The following DCC variants were observed in gnomAD, a reference collection of about 807,000 sequenced individuals.
The protein encoded by DCC is DCC netrin 1 receptor.
DCC carries 58 observed loss-of-function variants against 172.5 expected under a neutral mutation model. That is an observed-to-expected ratio of 0.34 (90% CI 0.27 to 0.42). DCC has a LOEUF of 0.42. Ranked by LOEUF, DCC falls within the 10% of genes least tolerant of loss-of-function variation. The pLI, the probability that DCC is intolerant of heterozygous loss-of-function variation, is 1.00. For synonymous variants in DCC, 709 were observed against 644.5 expected, an observed-to-expected ratio of 1.10 and a Z score of -1.52; for missense variants, 1,740 against 1,791.0, an observed-to-expected ratio of 0.97 and a Z score of 0.51.
chr18:52,933,083 G>A (rs927480150), intron 5 of DCC, among the ~76,000 whole-genome samples: 1 of 152,168 alleles, frequency 6.6e-6, no homozygotes, highest in East Asian at 1.9e-4. Flanking sequence ...CACCTTAATA[G>A]CTCATTGCTC....
chr18:52,763,631 T>C (rs1039022990), intron 2 of DCC, among the ~76,000 whole-genome samples: 7 of 152,264 alleles, frequency 4.6e-5, no homozygotes, highest in African/African-American at 1.7e-4. Context: ...GGAAATAGTT[T>C]ATATACCATA....
intron 21 of DCC, among the ~76,000 whole-genome samples, chr18:53,424,178 G>T (rs534040855): frequency 2.0e-5 from 3 of 152,250 alleles, no homozygotes; most frequent in South Asian, 2.1e-4. Context: ...GTCCTTCCTT[G>T]TTAGCAGAAA....
chr18:52,989,741 A>G (rs2041353302), intron 5 of DCC, among the ~76,000 whole-genome samples: 1 of 152,200 alleles, frequency 6.6e-6, no homozygotes, highest in African/African-American at 2.4e-5. Flanking sequence ...AAAAGTTATA[A>G]TGACATAATG....
At chr18:53,515,230 C>A (rs1181382883) in intron 27 of DCC, among the ~76,000 whole-genome samples, 2 of 151,920 alleles carry the variant, frequency 1.3e-5, no homozygotes, top group Non-Finnish European at 2.9e-5. Flanking sequence ...GCAGAAAAAG[C>A]CTTTGACAAA....
chr18:53,064,402 A>C (rs9948957), intron 6 of DCC, among the ~76,000 whole-genome samples: 45 of 152,290 alleles, frequency 3.0e-4, no homozygotes, highest in African/African-American at 1.1e-3. Context: ...TTTTAGGCCT[A>C]CTTATGTTTG....
At chr18:52,793,226 C>T (rs954286484) in intron 2 of DCC, among the ~76,000 whole-genome samples, 2 of 152,186 alleles carry the variant, frequency 1.3e-5, no homozygotes, top group Non-Finnish European at 2.9e-5. Context: ...TGATTGGCAC[C>T]ATCTTGTCTG....
intron 22 of DCC, among the ~76,000 whole-genome samples, chr18:53,439,760 A>T (rs541488877): frequency 2.3e-5 from 3 of 128,492 alleles, no homozygotes; most frequent in Non-Finnish European, 5.5e-5. Context: ...GTGATGTAGT[A>T]GTATTTTTCT....
chr18:52,413,414 G>A (rs1473391708), intron 1 of DCC, among the ~76,000 whole-genome samples: 2 of 150,556 alleles, frequency 1.3e-5, no homozygotes, highest in Non-Finnish European at 3.0e-5. Context: ...GTTTCATATA[G>A]TTACTTTTGC....
intron 26 of DCC, among the ~76,000 whole-genome samples, chr18:53,492,555 A>T (rs1218967609): frequency 6.6e-6 from 1 of 152,174 alleles, no homozygotes; most frequent in African/African-American, 2.4e-5. Context: ...CCATTTATTA[A>T]ATAGGGAATC....
intron 2 of DCC, among the ~76,000 whole-genome samples, chr18:52,799,308 T>C (rs1166427529): frequency 6.6e-6 from 1 of 152,208 alleles, no homozygotes; most frequent in South Asian, 2.1e-4. Context: ...GTTTGGGAAT[T>C]TGGGGAGTAA....
At chr18:52,570,920 T>C (rs1031875898) in intron 1 of DCC, among the ~76,000 whole-genome samples, 5 of 152,198 alleles carry the variant, frequency 3.3e-5, no homozygotes, top group South Asian at 4.1e-4. Context: ...AATTAGTTTT[T>C]CTAGCTGGCT....
intron 11 of DCC, among the ~76,000 whole-genome samples, chr18:53,211,279 T>C (rs540157609): frequency 1.3e-5 from 2 of 152,302 alleles, no homozygotes; most frequent in African/African-American, 4.8e-5. Flanking sequence ...ACTTTACAGA[T>C]GACAAAACTA....
chr18:53,482,937 T>G (rs2045852781), intron 25 of DCC, among the ~76,000 whole-genome samples: 1 of 151,904 alleles, frequency 6.6e-6, no homozygotes, highest in South Asian at 2.1e-4. Context: ...ATTATTATAT[T>G]AACTATATAC....
intron 8 of DCC, among the ~76,000 whole-genome samples, chr18:53,174,745 G>A (rs981853801): frequency 6.8e-6 from 1 of 147,264 alleles, no homozygotes; most frequent in African/African-American, 2.5e-5. Context: ...TCTACCAGAG[G>A]TACAAGGAGG....
chr18:52,985,798 C>T lies in DCC; in HGVS notation c.985+60428C>T, dbSNP rs542816374. Among the ~76,000 whole-genome samples the T allele has an allele frequency of 6.6e-5, 10 of 152,098 alleles. 1 individual carries two copies. The South Asian group carries it at 2.1e-3, about 32-fold the overall frequency. On this transcript the variant is annotated intron_variant, in intron 5 of 28. Transcript: ENST00000442544. The stretch of plus-strand genomic sequence containing the variant: ...CTCAATGCAAAATGAGATTCTTCAA[C>T]TATTTAAGCTTTTCTACTAGTTTCT...
intron 1 of DCC, among the ~76,000 whole-genome samples, chr18:52,594,888 C>G (rs1277158743): frequency 1.3e-5 from 2 of 152,192 alleles, no homozygotes; most frequent in Admixed American, 6.5e-5. Flanking sequence ...CCAGGCCCAC[C>G]TCCAACATTG....
At chr18:53,171,227 G>C (rs1272458653) in intron 8 of DCC, among the ~76,000 whole-genome samples, 1 of 152,100 alleles carries the variant, frequency 6.6e-6, no homozygotes, top group Non-Finnish European at 1.5e-5. Context: ...ATGATAAGCA[G>C]ATTTCTGGAA....
chr18:52,443,573 G>T (rs1024581220), intron 1 of DCC, among the ~76,000 whole-genome samples: 5 of 152,138 alleles, frequency 3.3e-5, no homozygotes, highest in Non-Finnish European at 7.3e-5. Flanking sequence ...GACATTCTAG[G>T]CAGAAAGAAC....
intron 7 of DCC, among the ~76,000 whole-genome samples, chr18:53,116,531 G>A (rs1397809627): frequency 2.0e-5 from 3 of 151,636 alleles, no homozygotes; most frequent in Non-Finnish European, 4.4e-5. Flanking sequence ...CCTGATGTTT[G>A]CAAAGTTACC....
Sources: allele counts gnomAD v4.1 joint callset (sites outside exome capture counted in the v4.1 genomes callset), GRCh38; gene constraint gnomAD v4.1.1; transcripts MANE v1.5; gene names NCBI Gene and HGNC (gene_info 2026-07-23, HGNC 2026-07-21).